ALDH1L2: variants seen among roughly 807,000 people sequenced by gnomAD.
ALDH1L2 encodes the protein aldehyde dehydrogenase 1 family member L2.
A neutral mutation model predicts 111.0 loss-of-function variants in ALDH1L2; 91 were observed. That is an observed-to-expected ratio of 0.82 (90% CI 0.69 to 0.98). ALDH1L2 has a LOEUF of 0.98. ALDH1L2 is among the 50% of genes least tolerant of loss of function. The pLI, the probability that ALDH1L2 is intolerant of heterozygous loss-of-function variation, is 0.00. For synonymous variants in ALDH1L2, 374 were observed against 392.6 expected, an observed-to-expected ratio of 0.95 and a Z score of 0.56; for missense variants, 995 against 1,126.8, an observed-to-expected ratio of 0.88 and a Z score of 1.67.
chr12:105,038,884 G>C lies in ALDH1L2; in HGVS notation c.2046-682C>G, dbSNP rs145203276. On this transcript the variant is annotated intron_variant, in intron 17 of 22. Transcript: ENST00000258494. ...AGAAATTTTGGTTACATAAAAGCCTGGCAAAAGAATTAAACCTCTAACCAG... is the reference window on the plus strand; with the variant it reads ...AGAAATTTTGGTTACATAAAAGCCTCGCAAAAGAATTAAACCTCTAACCAG... 3.4e-3 allele frequency among the ~76,000 whole-genome samples: 510 copies of C among 152,230 alleles called. 2 individuals carry two copies. The highest frequency in any genetic ancestry group is 0.012 in the African/African-American group (484 of 41,544).
chr12:105,029,922 A>T (rs962920021), intron 21 of ALDH1L2: 3 of 153,092 alleles, frequency 2.0e-5, no homozygotes, highest in Non-Finnish European at 4.4e-5. Flanking sequence ...GTTGAGTATC[A>T]AGCTTTGGGG....
At chr12:105,055,959 A>G (rs1449391780) in intron 10 of ALDH1L2, among the ~76,000 whole-genome samples, 1 of 152,178 alleles carries the variant, frequency 6.6e-6, no homozygotes, top group African/African-American at 2.4e-5. Context: ...CCAGAAGGAG[A>G]GGAGAATGAG....
chr12:105,064,076 A>AAGT (rs1321889129), intron 6 of ALDH1L2, among the ~76,000 whole-genome samples: 1 of 126,028 alleles, frequency 7.9e-6, no homozygotes, highest in African/African-American at 3.1e-5. Context: ...TTAGCCTCCC[A>AAGT]AGTAGCTGGG....
chr12:105,051,018 T>C (rs4128817), intron 12 of ALDH1L2, among the ~76,000 whole-genome samples: 17,544 of 152,234 alleles, frequency 0.12, 1,115 homozygotes, highest in Middle Eastern at 0.16. Flanking sequence ...GCAAATGGAA[T>C]TTATGATTGA....
chr12:105,082,639 A>G (rs1179811262), intron 1 of ALDH1L2, among the ~76,000 whole-genome samples: 16 of 152,216 alleles, frequency 1.1e-4, no homozygotes, highest in Non-Finnish European at 8.8e-5. Flanking sequence ...TTTGGCAATT[A>G]TGAATAAAAC....
Position 105,022,170 on chromosome 12 carries a change from A to G in ALDH1L2, c.*2254T>C, listed in dbSNP as rs11112315. The G allele has an allele frequency of 0.097, 14,700 of 152,284 alleles. 799 individuals are homozygous for G. Among genetic ancestry groups the G allele is most frequent in the African/African-American group, 0.14 (5,637 of 41,540 alleles). The allele number at this position is 152,284 out of a possible 1,614,324, so 9.4% of individuals were successfully genotyped here. ...AGTTCACTTGGTAACTTTATGTATT[A>G]CACAGAGCCTTTGATTCTGATCAGC... On this transcript the variant is annotated 3_prime_UTR_variant, in exon 23 of 23. Coordinates refer to ENST00000258494, the MANE Select transcript of ALDH1L2 (RefSeq NM_001034173.4).
intron 9 of ALDH1L2, chr12:105,060,522 G>C (rs1256196380): frequency 6.5e-6 from 1 of 152,692 alleles, no homozygotes; most frequent in African/African-American, 2.4e-5. Flanking sequence ...AGCAAAAAAA[G>C]ATGAAGAATA....
intron 10 of ALDH1L2, 111 bp from the exon 11 acceptor site, chr12:105,053,042 C>G: frequency 7.7e-7 from 1 of 1,306,082 alleles, no homozygotes; most frequent in Non-Finnish European, 1.1e-6. Context: ...CAATGACATT[C>G]TAGTTCCGAC....
chr12:105,024,210 C>T lies in ALDH1L2; in HGVS notation c.*214G>A. ...AAATACGTATGATATACAACATAGT[C>T]AAAATGCAACAACTCCAAATCACTG... On this transcript the variant is annotated 3_prime_UTR_variant, in exon 23 of 23. Coordinates refer to ENST00000258494, the MANE Select transcript of ALDH1L2 (RefSeq NM_001034173.4). 1.7e-6 allele frequency: 1 copy of T among 600,680 alleles called. No individual in the cohort carries two copies. Among genetic ancestry groups the T allele is most frequent in the East Asian group, 2.8e-5 (1 of 36,106 alleles). 37.2% of individuals were successfully genotyped at this position (600,680 alleles called of 1,614,324 possible).
intron 13 of ALDH1L2, 196 bp downstream of exon 13, chr12:105,049,712 T>G (rs1168538629): frequency 3.4e-6 from 2 of 585,460 alleles, no homozygotes; most frequent in Admixed American, 3.9e-5. Context: ...TCCAGAACTG[T>G]AAGAGAATAA....
At position 105,046,707 on chromosome 12, in the gene ALDH1L2, T is replaced by C. The variant is rs771417779; in HGVS notation, c.1863+3A>G. On this transcript the variant is annotated splice_donor_region_variant and intron_variant, in intron 15 of 22. Coordinates refer to ENST00000258494, the MANE Select transcript of ALDH1L2 (RefSeq NM_001034173.4). The stretch of plus-strand genomic sequence containing the variant: ...TTCTGCACCTGGCCCTTTGTGGCCT[T>C]ACCTGTGCTGGCTTGAGCACTAAGG... The C allele has an allele frequency of 9.9e-6, 16 of 1,613,844 alleles. No homozygotes were observed. The highest frequency in any genetic ancestry group is 1.4e-5 in the Non-Finnish European group (16 of 1,179,774).
At chr12:105,046,171 CTCTCTCTCTCTCTCTCTCTCTCTATATA>C (rs1396674399) in intron 15 of ALDH1L2, among the ~76,000 whole-genome samples, 945 of 34,698 alleles carry the variant, frequency 0.027, 6 homozygotes, top group East Asian at 0.053. Flanking sequence ...CTCTCTCTCT[CTCTCTCTCTCTCTCTCTCTCTCTATATA>C]TATATATATA....
chr12:105,056,978 T>C (rs1052636581), intron 10 of ALDH1L2, among the ~76,000 whole-genome samples: 8 of 148,602 alleles, frequency 5.4e-5, no homozygotes, highest in African/African-American at 2.0e-4. Flanking sequence ...TCAGCAAATC[T>C]ACAGAATGAG....
At chr12:105,071,363 A>C (rs1467323352) in intron 2 of ALDH1L2, among the ~76,000 whole-genome samples, 1 of 151,640 alleles carries the variant, frequency 6.6e-6, no homozygotes, top group Non-Finnish European at 1.5e-5. Context: ...TGAGAGGCCA[A>C]GGAGAATACA....
At chr12:105,064,530 C>T (rs1199597726) in intron 6 of ALDH1L2, among the ~76,000 whole-genome samples, 1 of 152,208 alleles carries the variant, frequency 6.6e-6, no homozygotes, top group African/African-American at 2.4e-5. Flanking sequence ...TCCTGCTTAA[C>T]TGCTGAGATT....
In ALDH1L2 at chr12:105,084,425, C is replaced by G. The variant is rs1360907753; in HGVS notation, c.12G>C (p.Arg4=). 6.7e-7 allele frequency: 1 copy of G among 1,496,648 alleles called. No individual in the cohort carries two copies. The highest frequency in any genetic ancestry group is 2.8e-5 in the East Asian group (1 of 35,196). 92.7% of individuals were successfully genotyped at this position (1,496,648 alleles called of 1,614,324 possible). A position where few individuals can be genotyped will look rare whatever the true frequency, so the allele number is the denominator to read the frequency against. Residue 4 remains arginine (R), a synonymous_variant, in exon 1 of 23, where the codon CGG becomes CGC. Transcript: ENST00000258494. ...AGAAGCGCCGGAGCGCCTGGCTGCC[C>G]CGCCGCAGCATGCTGGAGAGGAGCG... MLR[R]GSQALRRFST...
rs1227143145 is a variant in ALDH1L2 at position 105,021,829 on chromosome 12, C to T, written c.*2595G>A. 2 of 152,010 alleles carry T rather than the reference C, an allele frequency of 1.3e-5. No individual in the cohort carries two copies. The highest frequency in any genetic ancestry group is 6.6e-5 in the Admixed American group (1 of 15,258). The allele number at this position is 152,010 out of a possible 1,614,324, so 9.4% of individuals were successfully genotyped here. A position where few individuals can be genotyped will look rare whatever the true frequency, so the allele number is the denominator to read the frequency against. On this transcript the variant is annotated 3_prime_UTR_variant, in exon 23 of 23. Coordinates refer to ENST00000258494, the MANE Select transcript of ALDH1L2 (RefSeq NM_001034173.4). ...ATTAAGAAGGCAAGTAATTTTAGTA[C>T]AAGTGGTAAGTGCTATGTTTGAAAC... is the stretch of plus-strand genomic sequence containing the variant.
At chr12:105,072,121 C>G (rs1877768909) in intron 2 of ALDH1L2, among the ~76,000 whole-genome samples, 1 of 145,306 alleles carries the variant, frequency 6.9e-6, no homozygotes, top group Non-Finnish European at 1.5e-5. Context: ...AATATATATA[C>G]ATACTATTAT....
intron 12 of ALDH1L2, chr12:105,050,633 A>C: frequency 2.2e-6 from 1 of 446,396 alleles, no homozygotes; most frequent in Non-Finnish European, 4.5e-6. Flanking sequence ...CTTTGGGGCC[A>C]CTCTAGAGTC....
Sources: allele counts gnomAD v4.1 joint callset (sites outside exome capture counted in the v4.1 genomes callset), GRCh38; gene constraint gnomAD v4.1.1; transcripts MANE v1.5; gene names NCBI Gene and HGNC (gene_info 2026-07-23, HGNC 2026-07-21).